Variants in GALNT17 observed in about 807,000 individuals in gnomAD.
GALNT17 encodes the protein polypeptide N-acetylgalactosaminyltransferase 17, also known as UDP-GalNAc:polypeptide N-acetylgalactosaminyltransferase-like 3.
A neutral mutation model predicts 63.7 loss-of-function variants in GALNT17; 29 were observed. The observed-to-expected ratio is 0.46, with a 90% confidence interval of 0.34 to 0.62. The LOEUF (loss-of-function observed/expected upper bound fraction) is 0.62. GALNT17 is among the 20% of genes least tolerant of loss of function. GALNT17 has a pLI of 0.01. For synonymous variants in GALNT17, 305 were observed against 318.3 expected, an observed-to-expected ratio of 0.96 and a Z score of 0.45; for missense variants, 603 against 799.6, an observed-to-expected ratio of 0.75 and a Z score of 2.97.
chr7:71,332,737 G>T (rs916241688), intron 1 of GALNT17, among the ~76,000 whole-genome samples: 4 of 152,208 alleles, frequency 2.6e-5, no homozygotes, highest in African/African-American at 9.6e-5. Flanking sequence ...TGTTGCCCAG[G>T]CTGGAGTGCA....
intron 5 of GALNT17, among the ~76,000 whole-genome samples, chr7:71,501,405 C>G (rs1217983161): frequency 6.6e-6 from 1 of 152,094 alleles, no homozygotes; most frequent in Non-Finnish European, 1.5e-5. Context: ...GCTGGGACTA[C>G]AGGCATCTGC....
chr7:71,616,201 A>T (rs2116961733), intron 6 of GALNT17, among the ~76,000 whole-genome samples: 2 of 152,136 alleles, frequency 1.3e-5, no homozygotes, highest in South Asian at 4.2e-4. Context: ...TCTTACTAGA[A>T]TCTAGTCTGT....
chr7:71,361,696 T>C (rs1192555412), intron 2 of GALNT17, among the ~76,000 whole-genome samples: 2 of 152,154 alleles, frequency 1.3e-5, no homozygotes. Flanking sequence ...ATTGCATAGA[T>C]TGAATGTCTT....
intron 1 of GALNT17, among the ~76,000 whole-genome samples, chr7:71,249,641 T>A (rs1790160920): frequency 6.6e-6 from 1 of 152,220 alleles, no homozygotes; most frequent in South Asian, 2.1e-4. Context: ...TCTGTTTTTG[T>A]TATTTTCAAA....
At chr7:71,272,398 G>A (rs11769361) in intron 1 of GALNT17, among the ~76,000 whole-genome samples, 76,617 of 152,068 alleles carry the variant, frequency 0.5, 19,753 homozygotes, top group Non-Finnish European at 0.54. Context: ...GTAAAAAAAC[G>A]CCAGCCTGTT....
intron 9 of GALNT17, among the ~76,000 whole-genome samples, chr7:71,683,420 G>C (rs1308328806): frequency 6.6e-6 from 1 of 152,162 alleles, no homozygotes; most frequent in African/African-American, 2.4e-5. Flanking sequence ...CAGAATCAGA[G>C]CTCCTGTAAC....
chr7:71,578,053 T>TTTATTTATTTA (rs1789567763), intron 6 of GALNT17, among the ~76,000 whole-genome samples: 1 of 129,208 alleles, frequency 7.7e-6, no homozygotes, highest in Non-Finnish European at 1.8e-5. Context: ...TTATTTATTT[T>TTTATTTATTTA]GAGATGGAGT....
chr7:71,526,743 C>T (rs954130152), intron 5 of GALNT17, among the ~76,000 whole-genome samples: 8 of 152,124 alleles, frequency 5.3e-5, no homozygotes, highest in South Asian at 2.1e-4. Flanking sequence ...TAGTCTTGAA[C>T]GCCTGTGTGA....
intron 1 of GALNT17, among the ~76,000 whole-genome samples, chr7:71,198,474 G>A (rs1035325127): frequency 2.6e-5 from 4 of 152,124 alleles, no homozygotes; most frequent in Admixed American, 1.3e-4. Context: ...ATGGTCCTTC[G>A]CTAGAGAGAT....
intron 1 of GALNT17, among the ~76,000 whole-genome samples, chr7:71,317,734 G>T (rs762568009): frequency 1.6e-4 from 24 of 152,088 alleles, no homozygotes; most frequent in Non-Finnish European, 2.6e-4. Flanking sequence ...GTTATTTTTG[G>T]TCTGTTGAAT....
chr7:71,230,865 C>T (rs931299676), intron 1 of GALNT17, among the ~76,000 whole-genome samples: 15 of 152,098 alleles, frequency 9.9e-5, no homozygotes, highest in African/African-American at 2.2e-4. Context: ...CCCAAACCAA[C>T]GTCGTCAAGA....
Position 71,325,740 on chromosome 7 carries a change from C to T in GALNT17, c.239-9810C>T, listed in dbSNP as rs191814815. Among the ~76,000 whole-genome samples, 426 of 152,230 alleles carry T rather than the reference C, an allele frequency of 2.8e-3. 17 individuals carry two copies. Among genetic ancestry groups the T allele is most frequent in the Non-Finnish European group, 3.4e-3 (228 of 68,016 alleles). ...GTGCTCTTGCTGAGCGGTGATCAAC[C>T]GTGTGGCCCTCAGAGGATTTCTGGG... On this transcript the variant is annotated intron_variant, in intron 1 of 10. Coordinates refer to ENST00000333538, the MANE Select transcript of GALNT17 (RefSeq NM_022479.3).
At chr7:71,268,138 A>C (rs1485945939) in intron 1 of GALNT17, among the ~76,000 whole-genome samples, 1 of 152,120 alleles carries the variant, frequency 6.6e-6, no homozygotes, top group Non-Finnish European at 1.5e-5. Flanking sequence ...GGAAAAGATG[A>C]GTTAATGGAG....
At position 71,275,605 on chromosome 7, in the gene GALNT17, A is replaced by G. The variant is rs116996578; in HGVS notation, c.239-59945A>G. On this transcript the variant is annotated intron_variant, in intron 1 of 10. Coordinates refer to ENST00000333538, the MANE Select transcript of GALNT17 (RefSeq NM_022479.3). ...CACAGCTCAGCGCCTGTCACATGTAAAGGCTCTATCTACGGCAGTTCCATG... is the reference window on the plus strand; with the variant it reads ...CACAGCTCAGCGCCTGTCACATGTAGAGGCTCTATCTACGGCAGTTCCATG... 1.2e-4 allele frequency among the ~76,000 whole-genome samples: 19 copies of G among 152,232 alleles called. No individual in the cohort carries two copies. The East Asian group carries it at 3.7e-3, about 29-fold the overall frequency.
chr7:71,545,788 A>G (rs1435543546), intron 5 of GALNT17, among the ~76,000 whole-genome samples: 1 of 152,150 alleles, frequency 6.6e-6, no homozygotes, highest in Non-Finnish European at 1.5e-5. Context: ...ATGTGTTTAT[A>G]ATATCTATTA....
chr7:71,425,327 A>G (rs1563083058), intron 5 of GALNT17, among the ~76,000 whole-genome samples: 1 of 152,016 alleles, frequency 6.6e-6, no homozygotes, highest in African/African-American at 2.4e-5. Context: ...GGTTCGAGCA[A>G]TTCTTCTGCT....
chr7:71,454,323 A>G (rs1017059112), intron 5 of GALNT17, among the ~76,000 whole-genome samples: 8 of 152,066 alleles, frequency 5.3e-5, no homozygotes, highest in African/African-American at 1.9e-4. Context: ...AACATGTGGT[A>G]TTTGGTTTTC....
chr7:71,701,116 A>G (rs1230544906), intron 9 of GALNT17, among the ~76,000 whole-genome samples: 2 of 152,324 alleles, frequency 1.3e-5, no homozygotes, highest in East Asian at 1.9e-4. Flanking sequence ...GCAGAGAAGT[A>G]AAGCAAGGAG....
At chr7:71,429,213 A>T (rs1243729341) in intron 5 of GALNT17, among the ~76,000 whole-genome samples, 1 of 152,090 alleles carries the variant, frequency 6.6e-6, no homozygotes, top group East Asian at 1.9e-4. Flanking sequence ...AGAAGGGGAA[A>T]GTCTGAAGGC....
Sources: gnomAD v4.1 joint callset for allele counts (sites outside exome capture counted in the v4.1 genomes callset) on GRCh38, gnomAD v4.1.1 for gene constraint, MANE v1.5 for transcripts, NCBI Gene and HGNC (gene_info 2026-07-23, HGNC 2026-07-21) for gene names.